SKIDA1: variants seen among roughly 807,000 people sequenced by gnomAD.
The protein encoded by SKIDA1 is SKI/DACH domain containing 1, also known as SKI/DACH domain-containing protein 1.
Under a neutral mutation model 51.4 loss-of-function variants are expected in SKIDA1, and 18 were observed. That is an observed-to-expected ratio of 0.35 (90% CI 0.24 to 0.52). SKIDA1 has a LOEUF of 0.52. Among genes scored for constraint, SKIDA1 ranks in the 20% least tolerant of loss-of-function variants. The probability of loss-of-function intolerance (pLI) is 0.95; values close to 1 mark genes in which losing one functional copy is unlikely to be tolerated. For missense variants in SKIDA1, 1,104 were observed against 1,180.6 expected, an observed-to-expected ratio of 0.94 and a Z score of 0.95; for synonymous variants, 579 against 500.5, an observed-to-expected ratio of 1.16 and a Z score of -2.09.
In SKIDA1 at chr10:21,516,043, T is replaced by A; in HGVS notation, c.1780A>T (p.Ile594Leu). The change falls in exon 4 of 4, where the codon ATA becomes TTA. Residue 594 changes from isoleucine to leucine, a missense_variant. Around this residue, in one of 3 missense-constraint regions of SKIDA1, gnomAD observed 938 missense variants for 886.4 expected, o/e 1.06. Transcript: ENST00000449193. This position sits in a 1 kb window ranked among gnomAD's most constrained non-coding sequence, Gnocchi z 5.7. ...AGGCATTTCCTAGCCTCTCGGAGTA[T>A]TCTTTGTTGTGGAAATGCATTGTTT... ...KTNNAFPQQRILREARKCLQT... is the reference protein window; with the variant it reads ...KTNNAFPQQRLLREARKCLQT... 3.7e-6 allele frequency: 6 copies of A among 1,614,084 alleles called. No homozygotes were observed. Among genetic ancestry groups the A allele is most frequent in the Non-Finnish European group, 5.1e-6 (6 of 1,179,912 alleles).
rs191856294 is a variant in SKIDA1, at chr10:21,516,884, C to T, written c.939G>A (p.Ala313=). 590 of 1,164,496 alleles carry T rather than the reference C, an allele frequency of 5.1e-4. 3 individuals are homozygous for T. The highest frequency in any genetic ancestry group is 5.6e-4 in the Non-Finnish European group (529 of 945,936). The allele number at this position is 1,164,496 out of a possible 1,614,324, so 72.1% of individuals were successfully genotyped here. ...AAGTGGCCCCCGCGGCGGCCGCCGC[C>T]GCCGCTGCCGCCGCCGCCGCCGCCG... ...AAAAAAAAAA[A]AAAAAGATCL... is the part of the protein sequence containing the mutation. Residue 313 remains alanine (A), a synonymous_variant, in exon 4 of 4, where the codon GCG becomes GCA. Coordinates refer to ENST00000449193, the MANE Select transcript of SKIDA1 (RefSeq NM_207371.4). The surrounding 1 kb of genome is among the most constrained non-coding windows in gnomAD (Gnocchi z 5.7).
In SKIDA1 at chr10:21,516,170, A is replaced by T; in HGVS notation, c.1653T>A (p.Ser551=). The change falls in exon 4 of 4, where the codon TCT becomes TCA. Residue 551 remains serine (S), a synonymous_variant. Coordinates refer to ENST00000449193, the MANE Select transcript of SKIDA1 (RefSeq NM_207371.4). The surrounding 1 kb of genome is among the most constrained non-coding windows in gnomAD (Gnocchi z 5.7). ...CFAEIRNDRV[S]EITFPHSEIS... The stretch of plus-strand genomic sequence containing the variant: ...TTTCAGAGTGTGGGAATGTAATCTC[A>T]GATACCCTATCGTTCCTTATCTCAG... 6.2e-7 allele frequency: 1 copy of T among 1,614,066 alleles called. No individual in the cohort carries two copies. The highest frequency in any genetic ancestry group is 8.5e-7 in the Non-Finnish European group (1 of 1,179,908).
At position 21,516,911 on chromosome 10, in the gene SKIDA1, C is replaced by CGAGGGGAA; in HGVS notation, c.911_912insTTCCCCTC (p.Ala305SerfsTer244). Reference sequence around the variant, plus strand: ...CCGCTGCCGCCGCCGCCGCCGCCGCCGCCGCCTTGGCTTTGTAGGACCTGG... The same window carrying CGAGGGGAA: ...CCGCTGCCGCCGCCGCCGCCGCCGCCGAGGGGAAGCCGCCTTGGCTTTGTAGGACCTGG... On this transcript the variant is annotated frameshift_variant, in exon 4 of 4. Coordinates refer to ENST00000449193, the MANE Select transcript of SKIDA1 (RefSeq NM_207371.4). LOFTEE classifies it high-confidence loss of function. The surrounding 1 kb of genome is among the most constrained non-coding windows in gnomAD (Gnocchi z 5.7). 8.3e-7 allele frequency: 1 copy of CGAGGGGAA among 1,200,388 alleles called. No individual in the cohort carries two copies. The highest frequency in any genetic ancestry group is 3.6e-5 in the South Asian group (1 of 27,688). 74.4% of individuals were successfully genotyped at this position (1,200,388 alleles called of 1,614,324 possible). A position where few individuals can be genotyped will look rare whatever the true frequency, so the allele number is the denominator to read the frequency against.
chr10:21,525,623 G>A lies in SKIDA1; in HGVS notation c.-2194C>T, dbSNP rs985069791. On this transcript the variant is annotated 5_prime_UTR_variant, in exon 1 of 4. Transcript: ENST00000449193. ...GTGTCAAGAACCGCAGCAAGAGGAA[G>A]GGGAGGAGAGAGGAGAGGGAGGAGT... The A allele has an allele frequency of 6.6e-6, 1 of 152,512 alleles. No homozygotes were observed. The highest frequency in any genetic ancestry group is 1.5e-5 in the Non-Finnish European group (1 of 68,224). 9.4% of individuals were successfully genotyped at this position (152,512 alleles called of 1,614,324 possible).
At position 21,516,900 on chromosome 10, in the gene SKIDA1, G is replaced by T; in HGVS notation, c.923C>A (p.Ala308Glu). ...GGCCGCCGCCGCCGCTGCCGCCGCC[G>T]CCGCCGCCGCCGCCGCCTTGGCTTT... ...SYKAKAAAAAAAAAAAAAAAA... is the reference protein window; with the variant it reads ...SYKAKAAAAAEAAAAAAAAAA... The change falls in exon 4 of 4, where the codon GCG (alanine) becomes GAG (glutamate). Residue 308 changes from alanine (A) to glutamate (E), a missense_variant. Physicochemically the swap from Ala to Glu is moderately radical, Grantham distance 107. Coordinates refer to ENST00000449193, the MANE Select transcript of SKIDA1 (RefSeq NM_207371.4). This position sits in a 1 kb window ranked among gnomAD's most constrained non-coding sequence, Gnocchi z 5.7. The T allele has an allele frequency of 8.7e-7, 1 of 1,149,994 alleles. No individual in the cohort carries two copies. Among genetic ancestry groups the T allele is most frequent in the Non-Finnish European group, 1.1e-6 (1 of 940,972 alleles). 71.2% of individuals were successfully genotyped at this position (1,149,994 alleles called of 1,614,324 possible).
chr10:21,517,468 G>C lies in SKIDA1; in HGVS notation c.355C>G (p.Pro119Ala). 2 of 1,525,460 alleles carry C rather than the reference G, an allele frequency of 1.3e-6. No homozygotes were observed. The highest frequency in any genetic ancestry group is 1.4e-5 in the African/African-American group (1 of 71,402). The allele number at this position is 1,525,460 out of a possible 1,614,324, so 94.5% of individuals were successfully genotyped here. A position where few individuals can be genotyped will look rare whatever the true frequency, so the allele number is the denominator to read the frequency against. Residue 119 changes from proline (P) to alanine (A), a missense_variant, in exon 4 of 4, where the codon CCA (proline) becomes GCA (alanine). Physicochemically the swap from Pro to Ala is conservative, Grantham distance 27 (BLOSUM62 -1). Transcript: ENST00000449193. The surrounding 1 kb of genome is among the most constrained non-coding windows in gnomAD (Gnocchi z 6.9). The part of the protein sequence containing the change: ...GRALATKAPP[P>A]ERAAAASPRP... ...GGGCTGGCGGCAGCGGCGCGCTCTGGCGGCGGCGCCTTTGTGGCCAGGGCC... is the reference window on the plus strand; with the variant it reads ...GGGCTGGCGGCAGCGGCGCGCTCTGCCGGCGGCGCCTTTGTGGCCAGGGCC...
At chr10:21,520,186 C>T (rs368972775) in intron 3 of SKIDA1, among the ~76,000 whole-genome samples, 3 of 152,262 alleles carry the variant, frequency 2.0e-5, no homozygotes, top group African/African-American at 7.2e-5. Context: ...AGGCTTTAAA[C>T]GTAACCGAGA....
chr10:21,517,475 C>T lies in SKIDA1; in HGVS notation c.348G>A (p.Ala116=), dbSNP rs926108541. The T allele has an allele frequency of 2.5e-5, 39 of 1,530,520 alleles. No homozygotes were observed. Among genetic ancestry groups the T allele is most frequent in the Non-Finnish European group, 3.2e-5 (36 of 1,141,642 alleles). The allele number at this position is 1,530,520 out of a possible 1,614,324, so 94.8% of individuals were successfully genotyped here. A position where few individuals can be genotyped will look rare whatever the true frequency, so the allele number is the denominator to read the frequency against. ...RRVGRALATK[A]PPPERAAAAS... ...CGGCAGCGGCGCGCTCTGGCGGCGG[C>T]GCCTTTGTGGCCAGGGCCCGGCCGA... The change falls in exon 4 of 4, where the codon GCG becomes GCA. Residue 116 remains alanine, a synonymous_variant. Transcript: ENST00000449193. This position sits in a 1 kb window ranked among gnomAD's most constrained non-coding sequence, Gnocchi z 6.9.
At position 21,517,121 on chromosome 10, in the gene SKIDA1, A is replaced by AGCGGCG. The variant is rs1564334998; in HGVS notation, c.701_702insCGCCGC (p.Ala243_Ala244dup). ...CGGCGGCGGCGGCGGCGGCGGCGGCAGCAGCGGCGGCGGCGGCGGCGGCGG... is the reference window on the plus strand; with the variant it reads ...CGGCGGCGGCGGCGGCGGCGGCGGCAGCGGCGGCAGCGGCGGCGGCGGCGGCGGCGG... On this transcript the variant is annotated inframe_insertion, in exon 4 of 4. Coordinates refer to ENST00000449193, the MANE Select transcript of SKIDA1 (RefSeq NM_207371.4). This position sits in a 1 kb window ranked among gnomAD's most constrained non-coding sequence, Gnocchi z 6.9. The AGCGGCG allele has an allele frequency of 2.8e-6, 3 of 1,075,600 alleles. No homozygotes were observed. In the African/African-American group the frequency reaches 5.7e-5, roughly 21 times the overall value. 66.6% of individuals were successfully genotyped at this position (1,075,600 alleles called of 1,614,324 possible).
In SKIDA1 at chr10:21,516,601, A is replaced by C. The variant is rs1210947337; in HGVS notation, c.1222T>G (p.Ser408Ala). ...FGSSLSSSSN[S>A]VSSEEEEEEG... is the part of the protein sequence containing the mutation. ...TCCTCCTCTTCCTCTGAGGACACAGAATTGCTGGAGCTGGACAAACTGGAG... is the reference window on the plus strand; with the variant it reads ...TCCTCCTCTTCCTCTGAGGACACAGCATTGCTGGAGCTGGACAAACTGGAG... The change falls in exon 4 of 4, where the codon TCT becomes GCT. Residue 408 changes from serine to alanine, a missense_variant. Ser to Ala is a moderately conservative substitution (Grantham distance 99). Transcript: ENST00000449193. The surrounding 1 kb of genome is among the most constrained non-coding windows in gnomAD (Gnocchi z 5.7). 1 of 1,551,508 alleles carries C rather than the reference A, an allele frequency of 6.4e-7. No individual in the cohort carries two copies. The highest frequency in any genetic ancestry group is 2.0e-5 in the Admixed American group (1 of 50,988).
chr10:21,524,541 C>T (rs2032575050), intron 1 of SKIDA1: 1 of 118,942 alleles, frequency 8.4e-6, no homozygotes, highest in African/African-American at 3.3e-5. Context: ...ATTCTACTGG[C>T]AGAATTAGGA....
In SKIDA1 at chr10:21,517,112, GGCGGCGGCA is replaced by G. The variant is rs2032257438; in HGVS notation, c.702_710del (p.Ala242_Ala244del). The G allele has an allele frequency of 9.8e-7, 1 of 1,016,270 alleles. No individual in the cohort carries two copies. 63.0% of individuals were successfully genotyped at this position (1,016,270 alleles called of 1,614,324 possible). ...AATAGGCGGCGGCGGCGGCGGCGGC[GGCGGCGGCA>G]GCAGCGGCGGCGGCGGCGGCGGCGG... On this transcript the variant is annotated inframe_deletion, in exon 4 of 4. Transcript: ENST00000449193. The surrounding 1 kb of genome is among the most constrained non-coding windows in gnomAD (Gnocchi z 6.9).
intron 1 of SKIDA1, among the ~76,000 whole-genome samples, chr10:21,524,959 A>G (rs1223092223): frequency 2.6e-5 from 4 of 152,178 alleles, no homozygotes; most frequent in Admixed American, 6.5e-5. Context: ...ATGAGAAAAA[A>G]GTTGAGAGGC....
In SKIDA1 at chr10:21,516,917, CTT is replaced by C; in HGVS notation, c.904_905del (p.Lys302GlyfsTer136). ...LLLLPRSYKA[K>X]AAAAAAAAAA... Reference sequence around the variant, plus strand: ...CCGCCGCCGCCGCCGCCGCCGCCGCCTTGGCTTTGTAGGACCTGGGCAACAGC... The same window carrying C: ...CCGCCGCCGCCGCCGCCGCCGCCGCCGGCTTTGTAGGACCTGGGCAACAGC... On this transcript the variant is annotated frameshift_variant, in exon 4 of 4. Transcript: ENST00000449193. LOFTEE classifies it high-confidence loss of function. The surrounding 1 kb of genome is among the most constrained non-coding windows in gnomAD (Gnocchi z 5.7). 8.5e-7 allele frequency: 1 copy of C among 1,169,692 alleles called. No homozygotes were observed. Among genetic ancestry groups the C allele is most frequent in the Non-Finnish European group, 1.1e-6 (1 of 951,412 alleles). 72.5% of individuals were successfully genotyped at this position (1,169,692 alleles called of 1,614,324 possible).
chr10:21,515,246 C>T lies in SKIDA1; in HGVS notation c.2577G>A (p.Gly859=). The T allele has an allele frequency of 3.1e-6, 5 of 1,613,998 alleles. No individual in the cohort carries two copies. The highest frequency in any genetic ancestry group is 4.2e-6 in the Non-Finnish European group (5 of 1,179,896). Reference sequence around the variant, plus strand: ...ACGCCGGCCACAAATCCCCATCTCTCCCAATAATGAGTGATGGTGGACAAG... The same window carrying T: ...ACGCCGGCCACAAATCCCCATCTCTTCCAATAATGAGTGATGGTGGACAAG... ...NFPCPPSLII[G]RDGDLWPAYS... Residue 859 remains glycine (G), a synonymous_variant, in exon 4 of 4, where the codon GGG becomes GGA. Transcript: ENST00000449193.
At chr10:21,524,230 G>A (rs879622553) in intron 1 of SKIDA1, among the ~76,000 whole-genome samples, 1 of 151,900 alleles carries the variant, frequency 6.6e-6, no homozygotes, top group Non-Finnish European at 1.5e-5. Context: ...TCTCAGTTGG[G>A]GTAGTGTTTT....
chr10:21,517,638 T>C lies in SKIDA1; in HGVS notation c.185A>G (p.Glu62Gly). Residue 62 changes from glutamate (E) to glycine (G), a missense_variant, in exon 4 of 4, where the codon GAG (glutamate) becomes GGG (glycine). Coordinates refer to ENST00000449193, the MANE Select transcript of SKIDA1 (RefSeq NM_207371.4). This position sits in a 1 kb window ranked among gnomAD's most constrained non-coding sequence, Gnocchi z 6.9. The part of the protein sequence containing the change: ...LKVKKHHCDL[E>G]ELRKLKAINS... ...AATTGCCTTGAGTTTCCGCAACTCCTCCAGATCGCAGTGGTGCTTCTTCAC... is the reference window on the plus strand; with the variant it reads ...AATTGCCTTGAGTTTCCGCAACTCCCCCAGATCGCAGTGGTGCTTCTTCAC... The C allele has an allele frequency of 6.2e-7, 1 of 1,614,000 alleles. No individual in the cohort carries two copies. The highest frequency in any genetic ancestry group is 8.5e-7 in the Non-Finnish European group (1 of 1,179,878).
Position 21,517,573 on chromosome 10 carries a change from A to G in SKIDA1, c.250T>C (p.Ser84Pro). 6.2e-7 allele frequency: 1 copy of G among 1,609,840 alleles called. No individual in the cohort carries two copies. The highest frequency in any genetic ancestry group is 8.5e-7 in the Non-Finnish European group (1 of 1,178,086). Residue 84 changes from serine (S) to proline (P), a missense_variant, in exon 4 of 4, where the codon TCC (serine) becomes CCC (proline). Transcript: ENST00000449193. This position sits in a 1 kb window ranked among gnomAD's most constrained non-coding sequence, Gnocchi z 6.9. ...TAGAGCGCTTCCACGTCTTCCCGGG[A>G]GATGAGCGTGCATTTGGCGGCGTGG... ...AFHAAKCTLI[S>P]REDVEALYTS...
chr10:21,522,072 A>T (rs1313565912), intron 2 of SKIDA1, among the ~76,000 whole-genome samples: 2 of 152,202 alleles, frequency 1.3e-5, no homozygotes, highest in African/African-American at 4.8e-5. Context: ...TTAGCTGGGA[A>T]ATGCAATAGC....
Sources: gnomAD v4.1 joint callset for allele counts (sites outside exome capture counted in the v4.1 genomes callset) on GRCh38, gnomAD v4.1.1 for gene constraint, gnomAD v4.1.1 regional missense constraint, Gnocchi (gnomAD v3.1) non-coding constraint, MANE v1.5 for transcripts, NCBI Gene and HGNC (gene_info 2026-07-23, HGNC 2026-07-21) for gene names.